Variants in CCNYL1 observed in about 807,000 individuals in gnomAD.
CCNYL1 encodes cyclin-Y-like protein 1.
In CCNYL1, 16 loss-of-function variants were observed where a neutral mutation model predicts 44.2. The ratio of observed to expected loss-of-function variants is 0.36; its 90% confidence interval spans 0.25 to 0.55. CCNYL1 has a LOEUF of 0.55. CCNYL1 is among the 20% of genes least tolerant of loss of function. CCNYL1 has a pLI of 0.85. For missense variants in CCNYL1, 348 were observed against 451.8 expected, an observed-to-expected ratio of 0.77 and a Z score of 2.08; for synonymous variants, 159 against 163.2, an observed-to-expected ratio of 0.97 and a Z score of 0.20.
In CCNYL1 at chr2:207,753,884, C is replaced by A; in HGVS notation, c.*186C>A. 6.0e-6 allele frequency: 3 copies of A among 497,072 alleles called. No individual in the cohort carries two copies. The highest frequency in any genetic ancestry group is 7.2e-6 in the Non-Finnish European group (2 of 278,986). The allele number at this position is 497,072 out of a possible 1,614,324, so 30.8% of individuals were successfully genotyped here. The stretch of plus-strand genomic sequence containing the variant: ...AAAGAATGGGACCTTGTCAATGCAA[C>A]AAAACACTCTTCTGTCCTTTTTAAT... On this transcript the variant is annotated 3_prime_UTR_variant, in exon 10 of 10. Coordinates refer to ENST00000295414, the MANE Select transcript of CCNYL1 (RefSeq NM_001330218.2).
chr2:207,744,286 AGT>A (rs1228336249), intron 7 of CCNYL1, among the ~76,000 whole-genome samples: 4 of 151,742 alleles, frequency 2.6e-5, no homozygotes, highest in Admixed American at 6.6e-5. Context: ...GTGTGGTTGG[AGT>A]GAGTTGGAAA....
At chr2:207,718,680 T>C (rs2091616254) in intron 1 of CCNYL1, among the ~76,000 whole-genome samples, 1 of 152,196 alleles carries the variant, frequency 6.6e-6, no homozygotes, top group Non-Finnish European at 1.5e-5. Context: ...AACTTGACAA[T>C]ACATTCTTTG....
At chr2:207,726,965 T>G in intron 3 of CCNYL1, 89 bp downstream of exon 3, 15 of 815,226 alleles carry the variant, frequency 1.8e-5, no homozygotes, top group African/African-American at 3.5e-5. Context: ...GGGGACCCAA[T>G]ACTGTTAGTA....
Position 207,753,677 on chromosome 2 carries a change from C to T in CCNYL1, c.1059C>T (p.Arg353=), listed in dbSNP as rs2091911374. ...CTGATAACTTCATTGGTATTCAGCG[C>T]TCTAAAGCCATCCTCTCTTAAAAGG... ...FSADNFIGIQ[R]SKAILS Residue 353 remains arginine, a synonymous_variant, in exon 10 of 10, where the codon CGC becomes CGT. Transcript: ENST00000295414. 6.2e-7 allele frequency: 1 copy of T among 1,610,876 alleles called. No individual in the cohort carries two copies. Among genetic ancestry groups the T allele is most frequent in the Non-Finnish European group, 8.5e-7 (1 of 1,177,560 alleles).
chr2:207,751,226 T>G, intron 9 of CCNYL1, 107 bp downstream of exon 9: 1 of 964,652 alleles, frequency 1.0e-6, no homozygotes. Context: ...GCTTTAAAAT[T>G]AACTAACACT....
In CCNYL1 at chr2:207,754,224, C is replaced by T. The variant is rs1302392497; in HGVS notation, c.*526C>T. ...AAGGGTTCTTCCTCCCTACTGTTACCATTGAAGCTGCTAGTCATTGGCAAT... is the reference window on the plus strand; with the variant it reads ...AAGGGTTCTTCCTCCCTACTGTTACTATTGAAGCTGCTAGTCATTGGCAAT... On this transcript the variant is annotated 3_prime_UTR_variant, in exon 10 of 10. Coordinates refer to ENST00000295414, the MANE Select transcript of CCNYL1 (RefSeq NM_001330218.2). 6.6e-6 allele frequency: 1 copy of T among 152,646 alleles called. No homozygotes were observed. Among genetic ancestry groups the T allele is most frequent in the Non-Finnish European group, 1.5e-5 (1 of 68,076 alleles). 9.5% of individuals were successfully genotyped at this position (152,646 alleles called of 1,614,324 possible).
In CCNYL1 at chr2:207,724,858, C is replaced by T; in HGVS notation, c.279C>T (p.Ser93=). The change falls in exon 2 of 10, where the codon AGC becomes AGT. Residue 93 remains serine (S), a synonymous_variant. Coordinates refer to ENST00000295414, the MANE Select transcript of CCNYL1 (RefSeq NM_001330218.2). The part of the protein sequence containing the change: ...DHPRASTIFL[S]KSQTDVREKR... ...CAAGGGCAAGCACAATTTTCCTGAG[C>T]AAATCTCAAACGGATGGTAAGACAA... 1 of 1,612,278 alleles carries T rather than the reference C, an allele frequency of 6.2e-7. No homozygotes were observed. Among genetic ancestry groups the T allele is most frequent in the African/African-American group, 1.3e-5 (1 of 74,930 alleles).
At chr2:207,719,342 C>T (rs529206545) in intron 1 of CCNYL1, among the ~76,000 whole-genome samples, 2 of 147,762 alleles carry the variant, frequency 1.4e-5, no homozygotes, top group South Asian at 4.3e-4. Flanking sequence ...GTTCTGTTGC[C>T]CAGGCTGGAG....
chr2:207,726,848 A>G lies in CCNYL1; in HGVS notation c.302A>G (p.Glu101Gly). The change falls in exon 3 of 10, where the codon GAA becomes GGA. Residue 101 changes from glutamate to glycine, a missense_variant. By Grantham distance (98) the Glu-to-Gly change is moderately conservative. This residue lies in a region of CCNYL1 where 209 missense variants were observed against 247.7 expected (regional missense o/e 0.84). Transcript: ENST00000295414. Reference protein sequence around the residue: ...FLSKSQTDVREKRKSNHLNHV... With the variant: ...FLSKSQTDVRGKRKSNHLNHV... Reference sequence around the variant, plus strand: ...TAATTTTTTTTATTCTTAGTGCGAGAAAAGAGGAAGAGCAACCATTTGAAC... The same window carrying G: ...TAATTTTTTTTATTCTTAGTGCGAGGAAAGAGGAAGAGCAACCATTTGAAC... 6.4e-7 allele frequency: 1 copy of G among 1,568,114 alleles called. No homozygotes were observed. Among genetic ancestry groups the G allele is most frequent in the East Asian group, 2.4e-5 (1 of 41,714 alleles).
chr2:207,716,223 CTCTT>C (rs1285088321), intron 1 of CCNYL1, among the ~76,000 whole-genome samples: 2 of 152,084 alleles, frequency 1.3e-5, no homozygotes, highest in Non-Finnish European at 2.9e-5. Flanking sequence ...TCTGAAGTGA[CTCTT>C]TCTATTCTTT....
chr2:207,748,914 A>G (rs1348987412), intron 8 of CCNYL1, among the ~76,000 whole-genome samples: 1 of 152,246 alleles, frequency 6.6e-6, no homozygotes, highest in African/African-American at 2.4e-5. Context: ...TGCAGAAACT[A>G]AAGTGACTTT....
chr2:207,734,664 C>T (rs1442264899), intron 4 of CCNYL1, among the ~76,000 whole-genome samples: 2 of 152,192 alleles, frequency 1.3e-5, no homozygotes, highest in African/African-American at 2.4e-5. Flanking sequence ...TTTCAGAACA[C>T]CGTTGGGAAG....
chr2:207,725,680 T>C (rs1367535978), intron 2 of CCNYL1, among the ~76,000 whole-genome samples: 1 of 152,230 alleles, frequency 6.6e-6, no homozygotes, highest in Non-Finnish European at 1.5e-5. Context: ...CATCCTAATG[T>C]AGTGTAAATA....
In CCNYL1 at chr2:207,729,271, A is replaced by AC. The variant is rs1559167566; in HGVS notation, c.330+2403dup. On this transcript the variant is annotated intron_variant, in intron 3 of 9. Transcript: ENST00000295414. ...CTCCGCCCCCCCCCGCCCCCACCCC[A>AC]CCCCCCCCACCCCCCCGCACTCTCC... is the stretch of plus-strand genomic sequence containing the variant. Among the ~76,000 whole-genome samples, 47 of 31,520 alleles carry AC rather than the reference A, an allele frequency of 1.5e-3. 1 individual carries two copies. The highest frequency in any genetic ancestry group is 7.2e-3 in the East Asian group (3 of 414). 20.7% of individuals were successfully genotyped at this position (31,520 alleles called of 152,430 possible).
chr2:207,733,083 G>GT (rs56804451), intron 3 of CCNYL1, among the ~76,000 whole-genome samples: 23,571 of 152,002 alleles, frequency 0.16, 3,028 homozygotes, highest in East Asian at 0.38. Context: ...AAAGGGAAAT[G>GT]TTTTTTGGTG....
intron 1 of CCNYL1, chr2:207,714,309 T>A (rs1450659117): frequency 2.5e-6 from 1 of 403,796 alleles, no homozygotes; most frequent in Non-Finnish European, 4.7e-6. Context: ...AACACTTACA[T>A]CTCTTTTTTT....
intron 6 of CCNYL1, among the ~76,000 whole-genome samples, chr2:207,741,627 A>G (rs2091810682): frequency 6.6e-6 from 1 of 152,004 alleles, no homozygotes. Flanking sequence ...TGGGCAGATC[A>G]TGAGGTCAGG....
Position 207,753,682 on chromosome 2 carries a change from A to G in CCNYL1, c.1064A>G (p.Lys355Arg). 6.2e-7 allele frequency: 1 copy of G among 1,610,024 alleles called. No individual in the cohort carries two copies. The highest frequency in any genetic ancestry group is 2.2e-5 in the East Asian group (1 of 44,826). ...ADNFIGIQRS[K>R]AILS ...AACTTCATTGGTATTCAGCGCTCTA[A>G]AGCCATCCTCTCTTAAAAGGAGAAA... The change falls in exon 10 of 10, where the codon AAA becomes AGA. Residue 355 changes from lysine (K) to arginine (R), a missense_variant. Physicochemically the swap from Lys to Arg is conservative, Grantham distance 26. Coordinates refer to ENST00000295414, the MANE Select transcript of CCNYL1 (RefSeq NM_001330218.2).
chr2:207,739,728 A>C (rs2091793849), intron 5 of CCNYL1, among the ~76,000 whole-genome samples: 1 of 152,228 alleles, frequency 6.6e-6, no homozygotes, highest in Non-Finnish European at 1.5e-5. Context: ...ATTTAATAAT[A>C]CCATTAATTT....
Sources: allele counts gnomAD v4.1 joint callset (sites outside exome capture counted in the v4.1 genomes callset), GRCh38; gene constraint gnomAD v4.1.1; regional missense constraint gnomAD v4.1.1; transcripts MANE v1.5; gene names NCBI Gene and HGNC (gene_info 2026-07-23, HGNC 2026-07-21).